Variants in SLC7A5 observed in about 807,000 individuals in gnomAD.
The protein encoded by SLC7A5 is solute carrier family 7 member 5, also known as large neutral amino acids transporter small subunit 1.
Under a neutral mutation model 50.2 loss-of-function variants are expected in SLC7A5, and 23 were observed. The ratio of observed to expected loss-of-function variants is 0.46; its 90% CI spans 0.33 to 0.65. The LOEUF is 0.65. Among genes scored for constraint, SLC7A5 ranks in the 30% least tolerant of loss-of-function variants. The probability of loss-of-function intolerance (pLI) is 0.02; values close to 1 mark genes in which losing one functional copy is unlikely to be tolerated. For synonymous variants in SLC7A5, 393 were observed against 330.6 expected (o/e 1.19, Z -2.05); for missense variants, 578 against 684.4 (o/e 0.84, Z 1.73).
At chr16:87,844,825 G>A (rs1269356399) in intron 2 of SLC7A5, among the ~76,000 whole-genome samples, 1 of 152,272 alleles carries the variant, frequency 6.6e-6, no homozygotes, top group East Asian at 1.9e-4. Flanking sequence ...GGCTCTAGGT[G>A]GAGTGTGCTG....
At chr16:87,846,325 G>A (rs1306927363) in intron 2 of SLC7A5, among the ~76,000 whole-genome samples, 3 of 152,246 alleles carry the variant, frequency 2.0e-5, no homozygotes, top group East Asian at 3.9e-4. Context: ...TTGGCAGCTC[G>A]AGGCCGAGCT....
intron 2 of SLC7A5, among the ~76,000 whole-genome samples, chr16:87,845,563 G>GC (rs2055143492): frequency 7.3e-6 from 1 of 136,422 alleles, no homozygotes; most frequent in African/African-American, 3.0e-5. Context: ...CCCACCCTAG[G>GC]CCACGGCGCC....
chr16:87,863,583 C>T (rs1201656858), intron 1 of SLC7A5: 1 of 152,172 alleles, frequency 6.6e-6, no homozygotes, highest in Non-Finnish European at 1.5e-5. Flanking sequence ...GAGCTGGTTC[C>T]TCTCACCTTT....
At chr16:87,863,986 A>AAAATATATAT (rs376938738) in intron 1 of SLC7A5, among the ~76,000 whole-genome samples, 44 of 83,278 alleles carry the variant, frequency 5.3e-4, no homozygotes, top group South Asian at 1.7e-3. Flanking sequence ...ATCATTTAAA[A>AAAATATATAT]ATATATATAT....
At chr16:87,858,575 T>C (rs2055349408) in intron 1 of SLC7A5, among the ~76,000 whole-genome samples, 1 of 152,140 alleles carries the variant, frequency 6.6e-6, no homozygotes, top group Admixed American at 6.5e-5. Context: ...GTAAACGTAG[T>C]TCAGAGAGGT....
At chr16:87,854,069 CCCG>C (rs1567497919) in intron 1 of SLC7A5, 1 of 83,000 alleles carries the variant, frequency 1.2e-5, no homozygotes, top group African/African-American at 6.8e-5. Flanking sequence ...CCAGGACCCC[CCCG>C]CCCCCCCCCC....
rs62055658 is a variant in SLC7A5, at chr16:87,833,259, C to T, written c.1469-234G>A. On this transcript the variant is annotated intron_variant, in intron 9 of 9. Coordinates refer to ENST00000261622, the MANE Select transcript of SLC7A5 (RefSeq NM_003486.7). This position sits in a 1 kb window ranked among gnomAD's most constrained non-coding sequence, Gnocchi z 6.0. ...GCCACATCCCACTCGGCCCACCCCT[C>T]GCCTGCTTCAGAACCCTGGGGAGGC... is the stretch of plus-strand genomic sequence containing the variant. Among the ~76,000 whole-genome samples the T allele has an allele frequency of 0.027, 4,094 of 152,362 alleles. 83 individuals carry two copies. The highest frequency in any genetic ancestry group is 0.045 in the Non-Finnish European group (3,092 of 68,022).
In SLC7A5 at chr16:87,832,674, TA is replaced by T. The variant is rs565933814; in HGVS notation, c.*295del. 9.5e-4 allele frequency: 165 copies of T among 173,486 alleles called. No homozygotes were observed. The highest frequency in any genetic ancestry group is 1.5e-3 in the Non-Finnish European group (120 of 81,970). The allele number at this position is 173,486 out of a possible 1,614,324, so 10.7% of individuals were successfully genotyped here. ...GTCAAGTTGACCCAAAATTTAAGTT[TA>T]AAAAAAATATATATATAAGTAAACA... On this transcript the variant is annotated 3_prime_UTR_variant, in exon 10 of 10. Coordinates refer to ENST00000261622, the MANE Select transcript of SLC7A5 (RefSeq NM_003486.7). This position sits in a 1 kb window ranked among gnomAD's most constrained non-coding sequence, Gnocchi z 4.6.
Position 87,869,204 on chromosome 16 carries a change from C to T in SLC7A5, c.219G>A (p.Thr73=), listed in dbSNP as rs779569476. The change falls in exon 1 of 10, where the codon ACG becomes ACA. Residue 73 remains threonine, a synonymous_variant. Transcript: ENST00000261622. The stretch of plus-strand genomic sequence containing the variant: ...GCGAGCCTGCCTCCTTGAGCACGCC[C>T]GTGGGCGTCACGAAGATGCCCGAGC... The part of the protein sequence containing the change: ...IIGSGIFVTP[T]GVLKEAGSPG... 15 of 1,612,258 alleles carry T rather than the reference C, an allele frequency of 9.3e-6. No individual in the cohort carries two copies. In the African/African-American group the frequency reaches 2.0e-4, roughly 22 times the overall value.
At chr16:87,849,841 C>T (rs996487939) in intron 2 of SLC7A5, among the ~76,000 whole-genome samples, 1 of 152,160 alleles carries the variant, frequency 6.6e-6, no homozygotes, top group African/African-American at 2.4e-5. Flanking sequence ...TGGTCAGACA[C>T]ATGCATGGGG....
rs2055380586 is a variant in SLC7A5, at chr16:87,860,389, CACACACACACATATAT to C, written c.538+8480_538+8495del. Among the ~76,000 whole-genome samples the C allele has an allele frequency of 9.2e-6, 1 of 109,224 alleles. No individual in the cohort carries two copies. Among genetic ancestry groups the C allele is most frequent in the Non-Finnish European group, 2.0e-5 (1 of 49,392 alleles). The allele number at this position is 109,224 out of a possible 152,430, so 71.7% of individuals were successfully genotyped here. On this transcript the variant is annotated intron_variant, in intron 1 of 9. Transcript: ENST00000261622. This position sits in a 1 kb window ranked among gnomAD's most constrained non-coding sequence, Gnocchi z 4.8. ...ACACACACACACACACACACACACA[CACACACACACATATAT>C]ATATAAAGAAAAAGGAAATCTTCGA...
chr16:87,849,537 T>C (rs965457085), intron 2 of SLC7A5, among the ~76,000 whole-genome samples: 3 of 152,224 alleles, frequency 2.0e-5, no homozygotes, highest in East Asian at 1.9e-4. Context: ...AAATCTTTCC[T>C]GGCTATCTGA....
intron 1 of SLC7A5, among the ~76,000 whole-genome samples, chr16:87,856,014 C>T (rs1430471780): frequency 1.3e-5 from 2 of 152,178 alleles, no homozygotes; most frequent in East Asian, 3.9e-4. Context: ...GGGCTCAGCA[C>T]CTTGGCCTGT....
At chr16:87,857,701 C>T (rs565907322) in intron 1 of SLC7A5, among the ~76,000 whole-genome samples, 1 of 152,376 alleles carries the variant, frequency 6.6e-6, no homozygotes, top group Admixed American at 6.5e-5. Flanking sequence ...TCCCAAGGCC[C>T]TGGCCCCACC....
chr16:87,869,207 G>A lies in SLC7A5; in HGVS notation c.216C>T (p.Pro72=). Residue 72 remains proline, a synonymous_variant, in exon 1 of 10, where the codon CCC becomes CCT. Transcript: ENST00000261622. Reference sequence around the variant, plus strand: ...AGCCTGCCTCCTTGAGCACGCCCGTGGGCGTCACGAAGATGCCCGAGCCGA... The same window carrying A: ...AGCCTGCCTCCTTGAGCACGCCCGTAGGCGTCACGAAGATGCCCGAGCCGA... ...TIIGSGIFVT[P]TGVLKEAGSP... 6.2e-7 allele frequency: 1 copy of A among 1,612,602 alleles called. No homozygotes were observed. The highest frequency in any genetic ancestry group is 8.5e-7 in the Non-Finnish European group (1 of 1,179,830).
At chr16:87,843,955 G>A (rs1226513220) in intron 2 of SLC7A5, among the ~76,000 whole-genome samples, 2 of 151,874 alleles carry the variant, frequency 1.3e-5, no homozygotes, top group Non-Finnish European at 2.9e-5. Flanking sequence ...TGAAGCCCCA[G>A]GCACTGGGCA....
In SLC7A5 at chr16:87,868,730, G is replaced by T. The variant is rs546285830; in HGVS notation, c.538+155C>A. ...AAAAGAATGAATGAAAGAAACGCAC[G>T]TGGTTTCTGGGACCAATGACCTTAG... On this transcript the variant is annotated intron_variant, in intron 1 of 9. Transcript: ENST00000261622. Among the ~76,000 whole-genome samples, 22 of 152,362 alleles carry T rather than the reference G, an allele frequency of 1.4e-4. 1 individual carries two copies. In the South Asian group the frequency reaches 4.6e-3, roughly 32 times the overall value.
chr16:87,850,780 C>A (rs543639570), intron 2 of SLC7A5, among the ~76,000 whole-genome samples: 1 of 152,180 alleles, frequency 6.6e-6, no homozygotes, highest in African/African-American at 2.4e-5. Flanking sequence ...TGTGACCACA[C>A]AAATGGGAAC....
At position 87,853,002 on chromosome 16, in the gene SLC7A5, G is replaced by A. The variant is rs1033030627; in HGVS notation, c.539-1153C>T. Among the ~76,000 whole-genome samples, 4 of 152,132 alleles carry A rather than the reference G, an allele frequency of 2.6e-5. No individual in the cohort carries two copies. Among genetic ancestry groups the A allele is most frequent in the African/African-American group, 4.8e-5 (2 of 41,424 alleles). On this transcript the variant is annotated intron_variant, in intron 1 of 9. Transcript: ENST00000261622. This position sits in a 1 kb window ranked among gnomAD's most constrained non-coding sequence, Gnocchi z 4.4. ...GTCTACACCCCAGAAGTGGGCAAAG[G>A]CCCAGCACGGGCCACCCACACAGCT...
Sources: allele counts gnomAD v4.1 joint callset (sites outside exome capture counted in the v4.1 genomes callset), GRCh38; gene constraint gnomAD v4.1.1; non-coding constraint Gnocchi (gnomAD v3.1); transcripts MANE v1.5; gene names NCBI Gene and HGNC (gene_info 2026-07-23, HGNC 2026-07-21).